Variants in ARSJ observed in about 807,000 individuals in gnomAD.
ARSJ encodes the protein arylsulfatase J.
ARSJ carries 26 observed loss-of-function variants against 35.9 expected under a neutral mutation model. The observed-to-expected ratio is 0.72, with a 90% CI of 0.53 to 1.00. The LOEUF (loss-of-function observed/expected upper bound fraction) is 1.00, where lower values mean the gene tolerates loss of function less well. Among genes scored for constraint, ARSJ ranks in the 50% least tolerant of loss-of-function variants. ARSJ has a pLI of 0.00. For missense variants in ARSJ, 667 were observed against 723.6 expected (o/e 0.92, Z 0.90); for synonymous variants, 294 against 267.6 (o/e 1.10, Z -0.96).
At chr4:113,904,177 C>A (rs1209495849) in intron 1 of ARSJ, among the ~76,000 whole-genome samples, 1 of 152,080 alleles carries the variant, frequency 6.6e-6, no homozygotes, top group Non-Finnish European at 1.5e-5. Flanking sequence ...GATCTACCTG[C>A]CTTGGCCTCC....
At chr4:113,950,545 G>GA (rs1358817029) in intron 1 of ARSJ, among the ~76,000 whole-genome samples, 2 of 151,906 alleles carry the variant, frequency 1.3e-5, no homozygotes, top group African/African-American at 2.4e-5. Context: ...GAAAGAGAGA[G>GA]AAAGAGGGAA....
chr4:113,949,132 T>G (rs894901249), intron 1 of ARSJ, among the ~76,000 whole-genome samples: 1 of 150,990 alleles, frequency 6.6e-6, no homozygotes, highest in Non-Finnish European at 1.5e-5. Context: ...TAAGTGGGAG[T>G]TGAACAATGA....
At chr4:113,959,469 T>C (rs1189475182) in intron 1 of ARSJ, among the ~76,000 whole-genome samples, 1 of 152,056 alleles carries the variant, frequency 6.6e-6, no homozygotes, top group East Asian at 1.9e-4. Flanking sequence ...TATAAACCTG[T>C]GAACGATTTC....
chr4:113,971,290 T>A (rs1366297504), intron 1 of ARSJ, among the ~76,000 whole-genome samples: 2 of 152,232 alleles, frequency 1.3e-5, no homozygotes, highest in Non-Finnish European at 2.9e-5. Flanking sequence ...CTTTTGGTTC[T>A]CCTATCTTTG....
At chr4:113,943,517 T>C (rs1725287883) in intron 1 of ARSJ, 1 of 152,136 alleles carries the variant, frequency 6.6e-6, no homozygotes, top group African/African-American at 2.4e-5. Flanking sequence ...CTAGTATAGA[T>C]GAGACAGGGC....
chr4:113,965,711 T>C (rs1261878570), intron 1 of ARSJ, among the ~76,000 whole-genome samples: 1 of 152,108 alleles, frequency 6.6e-6, no homozygotes, highest in African/African-American at 2.4e-5. Context: ...AACAAGACTT[T>C]ATGCTCAACT....
At chr4:113,915,435 G>A (rs924733988) in intron 1 of ARSJ, among the ~76,000 whole-genome samples, 12 of 152,002 alleles carry the variant, frequency 7.9e-5, no homozygotes, top group Non-Finnish European at 1.5e-4. Context: ...AAGAAAATTA[G>A]CAAATTAAAA....
intron 1 of ARSJ, among the ~76,000 whole-genome samples, chr4:113,926,910 C>T (rs1724106238): frequency 6.6e-6 from 1 of 152,148 alleles, no homozygotes. Context: ...CTGTGATTCA[C>T]TTATGGGAGC....
intron 1 of ARSJ, among the ~76,000 whole-genome samples, chr4:113,963,162 T>G (rs1419729424): frequency 6.6e-6 from 1 of 152,042 alleles, no homozygotes; most frequent in East Asian, 1.9e-4. Context: ...TCTAGCATAC[T>G]ATATAGTTTT....
intron 1 of ARSJ, among the ~76,000 whole-genome samples, chr4:113,974,800 A>G (rs1162629190): frequency 1.3e-5 from 2 of 152,182 alleles, no homozygotes; most frequent in African/African-American, 2.4e-5. Context: ...CCTTTAACCC[A>G]GGATTTCCAC....
At chr4:113,951,658 A>T (rs2374221) in intron 1 of ARSJ, among the ~76,000 whole-genome samples, 48,027 of 151,912 alleles carry the variant, frequency 0.32, 7,765 homozygotes, top group Admixed American at 0.36. Flanking sequence ...AGTTTATTTT[A>T]TGAATCTACA....
At chr4:113,964,934 A>C (rs1726795656) in intron 1 of ARSJ, among the ~76,000 whole-genome samples, 1 of 152,132 alleles carries the variant, frequency 6.6e-6, no homozygotes, top group Non-Finnish European at 1.5e-5. Context: ...ATTTGTTAGG[A>C]TCAATAATAT....
rs189580320 is a variant in ARSJ, at chr4:113,916,305, T to A, written c.399-12630A>T. On this transcript the variant is annotated intron_variant, in intron 1 of 1. Transcript: ENST00000315366. ...AGAATGCCTGGATTTGAATTCTGCC[T>A]CTATAGGCTGTGTAACCTTGAGCAT... Among the ~76,000 whole-genome samples, 14 of 152,278 alleles carry A rather than the reference T, an allele frequency of 9.2e-5. No homozygotes were observed. In the East Asian group the frequency reaches 2.3e-3, roughly 25 times the overall value.
chr4:113,964,103 G>A (rs77713090), intron 1 of ARSJ, among the ~76,000 whole-genome samples: 6,548 of 152,034 alleles, frequency 0.043, 454 homozygotes, highest in African/African-American at 0.15. Context: ...GCAAATCTCA[G>A]ACTATTGATC....
At chr4:113,940,332 C>G (rs1006611770) in intron 1 of ARSJ, among the ~76,000 whole-genome samples, 1 of 152,020 alleles carries the variant, frequency 6.6e-6, no homozygotes, top group African/African-American at 2.4e-5. Flanking sequence ...AGATCATGTC[C>G]TTTGCAGGGA....
At chr4:113,944,588 G>A (rs1725357533) in intron 1 of ARSJ, among the ~76,000 whole-genome samples, 1 of 152,044 alleles carries the variant, frequency 6.6e-6, no homozygotes, top group African/African-American at 2.4e-5. Context: ...TTCCTTTCAG[G>A]AAAATGCCAG....
chr4:113,958,320 C>T (rs957380390), intron 1 of ARSJ, among the ~76,000 whole-genome samples: 1 of 151,744 alleles, frequency 6.6e-6, no homozygotes, highest in Non-Finnish European at 1.5e-5. Flanking sequence ...AAAATTCAGT[C>T]GAATTAAGGA....
chr4:113,906,260 C>T (rs374788672), intron 1 of ARSJ, among the ~76,000 whole-genome samples: 2 of 152,014 alleles, frequency 1.3e-5, no homozygotes, highest in Admixed American at 1.3e-4. Flanking sequence ...AAATGGTAAA[C>T]CAGTTAAGCA....
At chr4:113,908,807 A>T (rs2099669562) in intron 1 of ARSJ, among the ~76,000 whole-genome samples, 1 of 152,172 alleles carries the variant, frequency 6.6e-6, no homozygotes, top group Non-Finnish European at 1.5e-5. Context: ...ATGTAAGTAG[A>T]ATTTCTTTTA....
Sources: allele counts gnomAD v4.1 joint callset (sites outside exome capture counted in the v4.1 genomes callset), GRCh38; gene constraint gnomAD v4.1.1; transcripts MANE v1.5; gene names NCBI Gene and HGNC (gene_info 2026-07-23, HGNC 2026-07-21).